Variants in PCDHGB7 observed in about 807,000 individuals in gnomAD.
The protein encoded by PCDHGB7 is protocadherin gamma-B7.
Under a neutral mutation model 61.4 loss-of-function variants are expected in PCDHGB7, and 37 were observed. The ratio of observed to expected loss-of-function variants is 0.60; its 90% CI spans 0.46 to 0.79. The LOEUF is 0.79. Ranked by LOEUF, PCDHGB7 falls within the 30% of genes least tolerant of loss-of-function variation. PCDHGB7 has a pLI of 0.00. For synonymous variants in PCDHGB7, 464 were observed against 503.5 expected (o/e 0.92, Z 1.05); for missense variants, 1,166 against 1,202.5 (o/e 0.97, Z 0.45).
chr5:141,426,797 C>A (rs1487716495), intron 1 of PCDHGB7: 1 of 456,706 alleles, frequency 2.2e-6, no homozygotes, highest in Non-Finnish European at 4.4e-6. Context: ...GTTACCAGCT[C>A]AGTTCTAATG....
At chr5:141,508,033 C>A (rs1596123382) in intron 3 of PCDHGB7, 1 of 152,290 alleles carries the variant, frequency 6.6e-6, no homozygotes, top group Non-Finnish European at 1.5e-5. Flanking sequence ...GTTTGCAGCT[C>A]AGCCAGCTGT....
In PCDHGB7 at chr5:141,486,403, T is replaced by C; in HGVS notation, c.2416-8404T>C. ...GGAACCAGTTCTCCCTGGTGACTGC[T>C]GGACCCTTGGATCGAGAGGCCAAAT... On this transcript the variant is annotated intron_variant, in intron 1 of 3. Coordinates refer to ENST00000398594, the MANE Select transcript of PCDHGB7 (RefSeq NM_018927.4). This position sits in a 1 kb window ranked among gnomAD's most constrained non-coding sequence, Gnocchi z 5.0. The C allele has an allele frequency of 6.2e-7, 1 of 1,614,212 alleles. No individual in the cohort carries two copies. Among genetic ancestry groups the C allele is most frequent in the Non-Finnish European group, 8.5e-7 (1 of 1,180,034 alleles).
At chr5:141,470,016 C>G (rs116065751) in intron 1 of PCDHGB7, among the ~76,000 whole-genome samples, 1 of 152,146 alleles carries the variant, frequency 6.6e-6, no homozygotes, top group Non-Finnish European at 1.5e-5. Context: ...GTAATCCCAG[C>G]TACTCGGGAT....
intron 1 of PCDHGB7, among the ~76,000 whole-genome samples, chr5:141,434,854 A>G (rs2097723190): frequency 6.6e-6 from 1 of 151,936 alleles, no homozygotes; most frequent in Admixed American, 6.6e-5. Context: ...ACATCAATAA[A>G]TTTATATATA....
In PCDHGB7 at chr5:141,418,897, A is replaced by T; in HGVS notation, c.1038A>T (p.Glu346Asp). 6.2e-7 allele frequency: 1 copy of T among 1,613,980 alleles called. No individual in the cohort carries two copies. Among genetic ancestry groups the T allele is most frequent in the Non-Finnish European group, 8.5e-7 (1 of 1,179,834 alleles). ...EVVDENDNSP[E>D]IIITSLSDQI... ...TAGACGAAAACGACAACAGCCCAGAAATAATCATCACGTCACTCTCTGATC... is the reference window on the plus strand; with the variant it reads ...TAGACGAAAACGACAACAGCCCAGATATAATCATCACGTCACTCTCTGATC... The change falls in exon 1 of 4, where the codon GAA (glutamate) becomes GAT (aspartate). Residue 346 changes from glutamate to aspartate, a missense_variant. By Grantham distance (45) the Glu-to-Asp change is conservative. Transcript: ENST00000398594.
At chr5:141,447,824 G>A (rs926580893) in intron 1 of PCDHGB7, among the ~76,000 whole-genome samples, 7 of 152,034 alleles carry the variant, frequency 4.6e-5, no homozygotes, top group Admixed American at 1.3e-4. Flanking sequence ...GGTGGCTCAC[G>A]CCTGTAATCC....
At position 141,489,397 on chromosome 5, in the gene PCDHGB7, G is replaced by A. The variant is rs1307106048; in HGVS notation, c.2416-5410G>A. 2.5e-6 allele frequency: 4 copies of A among 1,614,058 alleles called. No homozygotes were observed. The highest frequency in any genetic ancestry group is 2.7e-5 in the African/African-American group (2 of 74,914). ...GGTGGGGAATGTTGCTCAGGATCTG[G>A]GCTTAAAGATGACAGATCTGTTGAG... On this transcript the variant is annotated intron_variant, in intron 1 of 3. Transcript: ENST00000398594. This position sits in a 1 kb window ranked among gnomAD's most constrained non-coding sequence, Gnocchi z 4.5.
At chr5:141,501,809 A>G (rs2099811165) in intron 2 of PCDHGB7, among the ~76,000 whole-genome samples, 1 of 152,176 alleles carries the variant, frequency 6.6e-6, no homozygotes, top group African/African-American at 2.4e-5. Flanking sequence ...ACCCAGCTTC[A>G]CATAATTGGC....
chr5:141,475,105 G>C (rs1215386045), intron 1 of PCDHGB7, among the ~76,000 whole-genome samples: 1 of 152,156 alleles, frequency 6.6e-6, no homozygotes, highest in Non-Finnish European at 1.5e-5. Context: ...GATCCTAGGT[G>C]GTAAATAGGC....
At chr5:141,433,235 C>T (rs1307904588) in intron 1 of PCDHGB7, 13 of 1,509,616 alleles carry the variant, frequency 8.6e-6, no homozygotes, top group Non-Finnish European at 1.1e-5. Context: ...GCTCTGTCTC[C>T]CAAGCTGGAA....
At chr5:141,461,738 C>A (rs2099021378) in intron 1 of PCDHGB7, among the ~76,000 whole-genome samples, 1 of 150,904 alleles carries the variant, frequency 6.6e-6, no homozygotes. Flanking sequence ...TGGCACAATC[C>A]CGGCTCCCAG....
At chr5:141,459,693 C>A (rs1014443574) in intron 1 of PCDHGB7, among the ~76,000 whole-genome samples, 1 of 152,210 alleles carries the variant, frequency 6.6e-6, no homozygotes, top group African/African-American at 2.4e-5. Flanking sequence ...AAGCGTTCCG[C>A]TTGCTACATT....
rs1468210173 is a variant in PCDHGB7 at position 141,512,170 on chromosome 5, A to T, written c.*997A>T. 1 of 152,720 alleles carries T rather than the reference A, an allele frequency of 6.5e-6. No homozygotes were observed. The highest frequency in any genetic ancestry group is 1.5e-5 in the Non-Finnish European group (1 of 68,120). The allele number at this position is 152,720 out of a possible 1,614,324, so 9.5% of individuals were successfully genotyped here. On this transcript the variant is annotated 3_prime_UTR_variant, in exon 4 of 4. Coordinates refer to ENST00000398594, the MANE Select transcript of PCDHGB7 (RefSeq NM_018927.4). ...TGGGCTGAGCTAACAGGACCAATGG[A>T]TTAAACTGGCATTTCAGTCCAAGGA...
intron 1 of PCDHGB7, among the ~76,000 whole-genome samples, chr5:141,426,066 A>T (rs1488003387): frequency 6.6e-6 from 1 of 152,196 alleles, no homozygotes; most frequent in Admixed American, 6.5e-5. Context: ...CAAGAACTGG[A>T]GCCTGGGATC....
intron 1 of PCDHGB7, among the ~76,000 whole-genome samples, chr5:141,465,040 C>T (rs1396261200): frequency 6.6e-6 from 1 of 151,842 alleles, no homozygotes; most frequent in Non-Finnish European, 1.5e-5. Context: ...CCACAAATGA[C>T]CCTATATATT....
rs2099749632 is a variant in PCDHGB7, at chr5:141,493,698, C to T, written c.2416-1109C>T. The stretch of plus-strand genomic sequence containing the variant: ...AGAATGGTGCTGGTGACTCCCGATA[C>T]ACCTGGAATGCTAGGTTTCTGGGTT... On this transcript the variant is annotated intron_variant, in intron 1 of 3. Transcript: ENST00000398594. This position sits in a 1 kb window ranked among gnomAD's most constrained non-coding sequence, Gnocchi z 4.3. Among the ~76,000 whole-genome samples the T allele has an allele frequency of 6.6e-6, 1 of 152,208 alleles. No individual in the cohort carries two copies. Among genetic ancestry groups the T allele is most frequent in the Non-Finnish European group, 1.5e-5 (1 of 68,034 alleles).
At position 141,511,572 on chromosome 5, in the gene PCDHGB7, T is replaced by C. The variant is rs1366960269; in HGVS notation, c.*399T>C. The C allele has an allele frequency of 1.0e-5, 3 of 289,550 alleles. No homozygotes were observed. The East Asian group carries it at 2.4e-4, about 23-fold the overall frequency. 17.9% of individuals were successfully genotyped at this position (289,550 alleles called of 1,614,324 possible). ...AACAGTTCCTCTTTCCCGAGTAAGG[T>C]GGTTGGGGTGTTGAAGTACCAAGTA... On this transcript the variant is annotated 3_prime_UTR_variant, in exon 4 of 4. Coordinates refer to ENST00000398594, the MANE Select transcript of PCDHGB7 (RefSeq NM_018927.4).
In PCDHGB7 at chr5:141,431,339, T is replaced by A. The variant is rs1374646530; in HGVS notation, c.2415+11065T>A. 7.4e-6 allele frequency: 12 copies of A among 1,613,942 alleles called. No homozygotes were observed. In the Admixed American group the frequency reaches 1.2e-4, roughly 16 times the overall value. ...AGCCGACGGTAGTAAGTACCCCGAA[T>A]TGGTGCTGAAACGCGCCCTGGACCG... On this transcript the variant is annotated intron_variant, in intron 1 of 3. Coordinates refer to ENST00000398594, the MANE Select transcript of PCDHGB7 (RefSeq NM_018927.4). This position sits in a 1 kb window ranked among gnomAD's most constrained non-coding sequence, Gnocchi z 4.8.
rs2096463342 is a variant in PCDHGB7, at chr5:141,420,067, A to G, written c.2208A>G (p.Gly736=). The change falls in exon 1 of 4, where the codon GGA becomes GGG. Residue 736 remains glycine, a synonymous_variant. Coordinates refer to ENST00000398594, the MANE Select transcript of PCDHGB7 (RefSeq NM_018927.4). ...AGTCAGTTCTCTGCTCCAAGTCCGG[A>G]CCTGTGGGTCCCCCCAACTACAGTG... The part of the protein sequence containing the change: ...CFESVLCSKS[G]PVGPPNYSEG... The G allele has an allele frequency of 1.2e-6, 2 of 1,614,034 alleles. No individual in the cohort carries two copies. The highest frequency in any genetic ancestry group is 2.2e-5 in the East Asian group (1 of 44,888).
Sources: allele counts gnomAD v4.1 joint callset (sites outside exome capture counted in the v4.1 genomes callset), GRCh38; gene constraint gnomAD v4.1.1; non-coding constraint Gnocchi (gnomAD v3.1); transcripts MANE v1.5; gene names NCBI Gene and HGNC (gene_info 2026-07-23, HGNC 2026-07-21).